The following ADSL variants were observed in gnomAD, a reference collection of about 807,000 sequenced individuals.
ADSL encodes adenylosuccinate lyase, also known as adenylosuccinase.
ADSL carries 44 observed loss-of-function variants against 62.1 expected under a neutral mutation model. That is an observed-to-expected ratio of 0.71 (90% CI 0.56 to 0.91). The LOEUF (loss-of-function observed/expected upper bound fraction) is 0.91. ADSL is among the 40% of genes least tolerant of loss of function. The pLI is 0.00. For synonymous variants in ADSL, 198 were observed against 220.5 expected, an observed-to-expected ratio of 0.90 and a Z score of 0.90; for missense variants, 531 against 627.4, an observed-to-expected ratio of 0.85 and a Z score of 1.64.
chr22:40,352,956 T>G (rs2044405974), intron 2 of ADSL, 117 bp from the exon 3 acceptor site: 2 of 767,210 alleles, frequency 2.6e-6, no homozygotes, highest in African/African-American at 3.4e-5. Context: ...AGTGGGTTGG[T>G]AGTGGTGATA....
At chr22:40,386,958 G>A (rs1421766380) in intron 2 of ADSL, among the ~76,000 whole-genome samples, 4 of 152,102 alleles carry the variant, frequency 2.6e-5, no homozygotes, top group South Asian at 4.2e-4. Context: ...TAGTTGCTTT[G>A]TGTCTTAAAT....
chr22:40,386,474 T>C (rs2048462581), intron 2 of ADSL, among the ~76,000 whole-genome samples: 1 of 151,938 alleles, frequency 6.6e-6, no homozygotes, highest in African/African-American at 2.4e-5. Flanking sequence ...TTTGATTCAG[T>C]TTCAGATTAA....
At chr22:40,361,726 C>T in intron 9 of ADSL, 91 bp downstream of exon 9, 1 of 1,514,020 alleles carries the variant, frequency 6.6e-7, no homozygotes, top group South Asian at 1.1e-5. Context: ...AGCATCTCTA[C>T]AGTCTCCTTA....
chr22:40,370,354 CAAAAAAA>C (rs11328048), downstream of ADSL, among the ~76,000 whole-genome samples: 6 of 86,400 alleles, frequency 6.9e-5, no homozygotes, highest in South Asian at 2.0e-3. Flanking sequence ...GACTCCATCT[CAAAAAAA>C]AAAAAAAAAA....
At chr22:40,380,946 ATAAAT>A (rs1220940084) in intron 2 of ADSL, among the ~76,000 whole-genome samples, 2 of 152,158 alleles carry the variant, frequency 1.3e-5, no homozygotes. Context: ...AAATAAATTA[ATAAAT>A]TAAAAATACA....
intron 1 of ADSL, among the ~76,000 whole-genome samples, chr22:40,349,390 T>C (rs941518284): frequency 6.6e-6 from 1 of 151,340 alleles, no homozygotes; most frequent in Non-Finnish European, 1.5e-5. Context: ...TTTTTTTTTT[T>C]TGGAGACAGA....
chr22:40,362,526 G>A lies in ADSL; in HGVS notation c.1011-455G>A, dbSNP rs572090564. Among the ~76,000 whole-genome samples the A allele has an allele frequency of 1.2e-4, 18 of 152,324 alleles. No individual in the cohort carries two copies. The South Asian group carries it at 1.5e-3, about 12-fold the overall frequency. ...ACTTTAAAAGTCTGAGGCCACATTGGTGCAGTGGCCATGTAAATGGAGAGG... is the reference window on the plus strand; with the variant it reads ...ACTTTAAAAGTCTGAGGCCACATTGATGCAGTGGCCATGTAAATGGAGAGG... On this transcript the variant is annotated intron_variant, in intron 9 of 12. Transcript: ENST00000623063.
intron 2 of ADSL, chr22:40,352,124 G>C (rs1479724004): frequency 2.0e-5 from 3 of 152,210 alleles, no homozygotes; most frequent in Admixed American, 6.5e-5. Flanking sequence ...ATGTGTTGGA[G>C]CTAACTGAAA....
At chr22:40,361,241 TG>T in intron 7 of ADSL, 31 bp from the exon 8 acceptor site, 1 of 1,600,394 alleles carries the variant, frequency 6.2e-7, no homozygotes, top group Non-Finnish European at 8.6e-7. Context: ...ACTGACAGTG[TG>T]GGGTGATGCT....
chr22:40,360,211 G>A (rs1237263470), intron 6 of ADSL, among the ~76,000 whole-genome samples, 191 bp from the exon 7 acceptor site: 1 of 152,158 alleles, frequency 6.6e-6, no homozygotes, highest in Non-Finnish European at 1.5e-5. Flanking sequence ...GTTTTTCCTT[G>A]TTTGACAGAG....
At chr22:40,373,864 T>TA (rs1348284231), downstream of ADSL, among the ~76,000 whole-genome samples, 1 of 152,162 alleles carries the variant, frequency 6.6e-6, no homozygotes, top group African/African-American at 2.4e-5. Flanking sequence ...TCCGCCCTCC[T>TA]AGGCCTTCCA....
intron 6 of ADSL, among the ~76,000 whole-genome samples, 191 bp downstream of exon 6, chr22:40,359,497 T>TC (rs1491480767): frequency 7.3e-5 from 9 of 122,878 alleles, no homozygotes; most frequent in East Asian, 2.2e-4. Context: ...TTTTTTTTTT[T>TC]CGCCTAATCG....
At chr22:40,364,239 C>G in intron 10 of ADSL, 37 bp from the exon 11 acceptor site, 1 of 1,582,802 alleles carries the variant, frequency 6.3e-7, no homozygotes, top group Non-Finnish European at 8.7e-7. Context: ...AACCTTGAGG[C>G]ACCTTTCTTG....
chr22:40,363,861 G>A (rs753080163), intron 10 of ADSL, among the ~76,000 whole-genome samples: 9 of 151,988 alleles, frequency 5.9e-5, no homozygotes, highest in Non-Finnish European at 1.5e-5. Flanking sequence ...TTGGGATCAC[G>A]AGGCCAGGAG....
At chr22:40,362,926 C>T (rs2044849889) in intron 9 of ADSL, 55 bp from the exon 10 acceptor site, 12 of 1,484,312 alleles carry the variant, frequency 8.1e-6, no homozygotes, top group Non-Finnish European at 1.0e-5. Flanking sequence ...ACACACACTG[C>T]ATTTCACTGA....
intron 2 of ADSL, among the ~76,000 whole-genome samples, chr22:40,374,943 A>T (rs968142828): frequency 6.6e-6 from 1 of 152,234 alleles, no homozygotes; most frequent in Non-Finnish European, 1.5e-5. Context: ...TAACAAGGCT[A>T]GATTTTCAGT....
intron 11 of ADSL, 23 bp downstream of exon 11, chr22:40,364,388 G>T: frequency 6.2e-7 from 1 of 1,607,644 alleles, no homozygotes. Flanking sequence ...TCATGTTCCT[G>T]GATAAGTTGA....
intron 1 of ADSL, among the ~76,000 whole-genome samples, chr22:40,347,557 A>G (rs2044188837): frequency 6.6e-6 from 1 of 152,226 alleles, no homozygotes. Context: ...CACAGTAAAC[A>G]TGGAAACAAT....
intron 6 of ADSL, among the ~76,000 whole-genome samples, chr22:40,359,915 C>A (rs932452839): frequency 3.9e-5 from 6 of 152,096 alleles, no homozygotes; most frequent in Non-Finnish European, 8.8e-5. Flanking sequence ...CATGTTGTTA[C>A]CATTTTTGTT....
Sources: gnomAD v4.1 joint callset for allele counts (sites outside exome capture counted in the v4.1 genomes callset) on GRCh38, gnomAD v4.1.1 for gene constraint, MANE v1.5 for transcripts, NCBI Gene and HGNC (gene_info 2026-07-23, HGNC 2026-07-21) for gene names.